RYR2: variants seen among roughly 807,000 people sequenced by gnomAD.
RYR2 encodes the protein cardiac muscle ryanodine receptor-calcium release channel.
Under a neutral mutation model 601.1 loss-of-function variants are expected in RYR2, and 227 were observed. That is an observed-to-expected ratio of 0.38 (90% CI 0.34 to 0.42). The LOEUF is 0.42. Ranked by LOEUF, RYR2 falls within the 10% of genes least tolerant of loss-of-function variation. The pLI, the probability that RYR2 is intolerant of heterozygous loss-of-function variation, is 1.00. For synonymous variants in RYR2, 2,223 were observed against 2,175.1 expected (o/e 1.02, Z -0.61); for missense variants, 4,646 against 6,156.5 (o/e 0.75, Z 8.21).
At chr1:237,617,937 A>G (rs1399870964) in intron 38 of RYR2, among the ~76,000 whole-genome samples, 2 of 152,148 alleles carry the variant, frequency 1.3e-5, no homozygotes, top group Non-Finnish European at 2.9e-5. Flanking sequence ...GCTTACCCCC[A>G]AAGTCAGGTC....
intron 1 of RYR2, among the ~76,000 whole-genome samples, chr1:237,233,297 A>T (rs536840636): frequency 6.6e-5 from 10 of 152,312 alleles, no homozygotes; most frequent in African/African-American, 2.4e-4. Flanking sequence ...CACATTGCTA[A>T]ATTGGAATTT....
intron 38 of RYR2, among the ~76,000 whole-genome samples, chr1:237,618,019 TCTGGAATCTAC>T (rs1186758830): frequency 6.6e-6 from 1 of 152,180 alleles, no homozygotes; most frequent in African/African-American, 2.4e-5. Context: ...ATGTAAATTT[TCTGGAATCTAC>T]CTCAGAGTGG....
intron 12 of RYR2, among the ~76,000 whole-genome samples, chr1:237,428,555 C>T (rs1706449294): frequency 6.6e-6 from 1 of 150,956 alleles, no homozygotes; most frequent in Non-Finnish European, 1.5e-5. Flanking sequence ...AGTGAGAACA[C>T]ATGGACACAG....
intron 1 of RYR2, among the ~76,000 whole-genome samples, chr1:237,216,445 A>C (rs1487624612): frequency 6.6e-6 from 1 of 152,298 alleles, no homozygotes; most frequent in East Asian, 1.9e-4. Flanking sequence ...TCTTTTAAAA[A>C]GTATAATATG....
At chr1:237,645,995 G>A (rs1251356734) in intron 48 of RYR2, among the ~76,000 whole-genome samples, 3 of 151,068 alleles carry the variant, frequency 2.0e-5, no homozygotes, top group Non-Finnish European at 4.4e-5. Context: ...TCCTGCTTCA[G>A]CCTCCCGAGT....
intron 1 of RYR2, among the ~76,000 whole-genome samples, chr1:237,215,896 T>C (rs776840692): frequency 2.6e-5 from 4 of 152,228 alleles, no homozygotes; most frequent in Non-Finnish European, 4.4e-5. Flanking sequence ...TATTTTTTAC[T>C]ACATTCTAGT....
At chr1:237,656,138 A>G (rs573250448) in intron 53 of RYR2, among the ~76,000 whole-genome samples, 154 bp downstream of exon 53, 5 of 152,040 alleles carry the variant, frequency 3.3e-5, no homozygotes, top group South Asian at 4.1e-4. Flanking sequence ...AAACGATAGT[A>G]ATAATAATAA....
At chr1:237,551,488 G>A (rs1016722741) in intron 27 of RYR2, among the ~76,000 whole-genome samples, 42 of 129,354 alleles carry the variant, frequency 3.2e-4, no homozygotes, top group Admixed American at 2.7e-3. Flanking sequence ...CCGAGATGGC[G>A]CCACTGCACT....
At chr1:237,416,507 G>A (rs747703609) in intron 10 of RYR2, among the ~76,000 whole-genome samples, 1 of 151,888 alleles carries the variant, frequency 6.6e-6, no homozygotes, top group Non-Finnish European at 1.5e-5. Context: ...GTGACTTTTT[G>A]GATATTCATA....
At chr1:237,119,660 T>G (rs533992115) in intron 1 of RYR2, among the ~76,000 whole-genome samples, 1 of 152,262 alleles carries the variant, frequency 6.6e-6, no homozygotes, top group African/African-American at 2.4e-5. Context: ...GCCATGGCAC[T>G]CTTCAGCCTA....
chr1:237,130,068 T>C (rs1671986876), intron 1 of RYR2, among the ~76,000 whole-genome samples: 1 of 152,074 alleles, frequency 6.6e-6, no homozygotes, highest in South Asian at 2.1e-4. Context: ...TAATGTATGC[T>C]TGAGAATTGC....
chr1:237,786,057 C>T (rs773102245), intron 91 of RYR2, 21 bp downstream of exon 91: 1 of 1,492,590 alleles, frequency 6.7e-7, no homozygotes, highest in African/African-American at 1.4e-5. Context: ...TTTGCATATA[C>T]TTTTCCTTCG....
chr1:237,650,304 A>G lies in RYR2; in HGVS notation c.7733+207A>G, dbSNP rs373944249. The stretch of plus-strand genomic sequence containing the variant: ...CCAGAGTGTTCCTCCAAGCCTCCCT[A>G]GGGTATCCAGCTGTTGGATATAGCT... On this transcript the variant is annotated intron_variant, in intron 50 of 104. Transcript: ENST00000366574. Among the ~76,000 whole-genome samples the G allele has an allele frequency of 3.0e-3, 463 of 152,138 alleles. 8 individuals carry two copies. Among genetic ancestry groups the G allele is most frequent in the African/African-American group, 0.011 (450 of 41,508 alleles).
intron 1 of RYR2, among the ~76,000 whole-genome samples, chr1:237,066,596 T>C (rs1663647958): frequency 6.6e-6 from 1 of 151,964 alleles, no homozygotes; most frequent in Non-Finnish European, 1.5e-5. Context: ...TAATGGTTAG[T>C]AATGTTAAAC....
rs1250028052 is a variant in RYR2, at chr1:237,175,389, G to T, written c.49-95108G>T. Among the ~76,000 whole-genome samples the T allele has an allele frequency of 2.6e-5, 4 of 151,982 alleles. No homozygotes were observed. The East Asian group carries it at 7.7e-4, about 29-fold the overall frequency. ...TTATAGATGCCAGTCTTCTGGAAGT[G>T]TTTCCAGATTTTTTTTTCTTTTTTG... On this transcript the variant is annotated intron_variant, in intron 1 of 104. Coordinates refer to ENST00000366574, the MANE Select transcript of RYR2 (RefSeq NM_001035.3).
intron 1 of RYR2, among the ~76,000 whole-genome samples, chr1:237,049,992 A>G (rs576699143): frequency 1.3e-5 from 2 of 152,306 alleles, no homozygotes; most frequent in African/African-American, 2.4e-5. Flanking sequence ...TGTGGAAGGT[A>G]TATTTCCTGG....
At position 237,628,068 on chromosome 1, in the gene RYR2, T is replaced by G; in HGVS notation, c.6428T>G (p.Ile2143Ser). ...GGCAAAGAAGAAGAGAAGCTCATGA[T>G]TCGTGGATTAGGGTAAATTATTTAA... ...RMGKEEEKLM[I>S]RGLGDIMNNK... The change falls in exon 41 of 105, where the codon ATT (isoleucine) becomes AGT (serine). Residue 2143 changes from isoleucine to serine, a missense_variant. By Grantham distance (142) the Ile-to-Ser change is moderately radical. Transcript: ENST00000366574. The G allele has an allele frequency of 6.2e-7, 1 of 1,613,698 alleles. No homozygotes were observed. Among genetic ancestry groups the G allele is most frequent in the Non-Finnish European group, 8.5e-7 (1 of 1,179,774 alleles).
At chr1:237,345,579 G>C (rs1698235152) in intron 3 of RYR2, among the ~76,000 whole-genome samples, 1 of 151,936 alleles carries the variant, frequency 6.6e-6, no homozygotes, top group Non-Finnish European at 1.5e-5. Flanking sequence ...ATTTATTTAA[G>C]AGTAGTAATC....
intron 56 of RYR2, among the ~76,000 whole-genome samples, chr1:237,661,469 C>G (rs765963622): frequency 1.3e-5 from 2 of 152,062 alleles, no homozygotes; most frequent in Non-Finnish European, 2.9e-5. Context: ...ACGTTCTGCA[C>G]ATGTACCCCA....
Sources: gnomAD v4.1 joint callset for allele counts (sites outside exome capture counted in the v4.1 genomes callset) on GRCh38, gnomAD v4.1.1 for gene constraint, MANE v1.5 for transcripts, NCBI Gene and HGNC (gene_info 2026-07-23, HGNC 2026-07-21) for gene names.